The following ELK3 variants were observed in gnomAD, a reference collection of about 807,000 sequenced individuals.
ELK3 encodes the protein ETS domain-containing protein Elk-3.
In ELK3, 10 loss-of-function variants were observed where a neutral mutation model predicts 28.9. The ratio of observed to expected loss-of-function variants is 0.35; its 90% CI spans 0.21 to 0.59. The LOEUF is 0.59. ELK3 is among the 20% of genes least tolerant of loss of function. The probability of loss-of-function intolerance (pLI) is 0.82; values close to 1 mark genes in which losing one functional copy is unlikely to be tolerated. For missense variants in ELK3, 463 were observed against 517.3 expected (o/e 0.90, Z 1.02); for synonymous variants, 272 against 243.5 (o/e 1.12, Z -1.09).
chr12:96,240,406 G>A (rs895936850), intron 2 of ELK3, among the ~76,000 whole-genome samples: 4 of 152,236 alleles, frequency 2.6e-5, no homozygotes, highest in South Asian at 4.2e-4. Flanking sequence ...TGGATGCATC[G>A]GGCGTTCTGA....
At chr12:96,242,505 C>T (rs1238892956) in intron 2 of ELK3, among the ~76,000 whole-genome samples, 1 of 152,242 alleles carries the variant, frequency 6.6e-6, no homozygotes, top group Admixed American at 6.5e-5. Context: ...TCAGCAAACT[C>T]TTGGAAGGAA....
At chr12:96,265,395 G>GA in intron 4 of ELK3, among the ~76,000 whole-genome samples, 1 of 152,248 alleles carries the variant, frequency 6.6e-6, no homozygotes, top group East Asian at 1.9e-4. Context: ...CAAAAAGAAT[G>GA]AAAATGCAGG....
intron 1 of ELK3, among the ~76,000 whole-genome samples, chr12:96,216,959 G>T (rs1277794692): frequency 6.6e-6 from 1 of 152,202 alleles, no homozygotes; most frequent in Non-Finnish European, 1.5e-5. Flanking sequence ...TTGAGTTATA[G>T]AAAATAGCTA....
At chr12:96,222,036 C>A (rs1004136633) in intron 1 of ELK3, among the ~76,000 whole-genome samples, 11 of 152,122 alleles carry the variant, frequency 7.2e-5, no homozygotes, top group African/African-American at 2.4e-4. Context: ...TTCAGTGTCT[C>A]CCTCCTATCC....
chr12:96,231,500 C>G (rs976936650), intron 2 of ELK3, among the ~76,000 whole-genome samples: 1 of 151,854 alleles, frequency 6.6e-6, no homozygotes, highest in South Asian at 2.1e-4. Context: ...TTGAATAAGG[C>G]TTTTTTTTGG....
At chr12:96,214,455 CA>C (rs113949362) in intron 1 of ELK3, among the ~76,000 whole-genome samples, 63 of 139,332 alleles carry the variant, frequency 4.5e-4, no homozygotes, top group East Asian at 3.3e-3. Flanking sequence ...AACAAACAAA[CA>C]AAAAAAAAAA....
chr12:96,199,827 A>G (rs956588406), intron 1 of ELK3, among the ~76,000 whole-genome samples: 1 of 152,220 alleles, frequency 6.6e-6, no homozygotes, highest in Non-Finnish European at 1.5e-5. Context: ...AGATTATAAC[A>G]TGGCTTTACT....
intron 1 of ELK3, among the ~76,000 whole-genome samples, chr12:96,217,845 G>A (rs1951630067): frequency 6.6e-6 from 1 of 150,564 alleles, no homozygotes; most frequent in Admixed American, 6.7e-5. Flanking sequence ...GGCTGAGGCA[G>A]GAGAATCGCT....
At chr12:96,246,752 T>C (rs1446537217) in intron 2 of ELK3, among the ~76,000 whole-genome samples, 188 bp from the exon 3 acceptor site, 3 of 152,218 alleles carry the variant, frequency 2.0e-5, no homozygotes, top group African/African-American at 7.2e-5. Flanking sequence ...AAAGATCTAG[T>C]AATGGCAGAA....
At chr12:96,198,587 A>G (rs1951487595) in intron 1 of ELK3, among the ~76,000 whole-genome samples, 1 of 152,222 alleles carries the variant, frequency 6.6e-6, no homozygotes, top group Admixed American at 6.5e-5. Context: ...AGATCGACTT[A>G]TAACACACTT....
chr12:96,255,047 A>C (rs1301739179), intron 3 of ELK3, among the ~76,000 whole-genome samples: 1 of 152,164 alleles, frequency 6.6e-6, no homozygotes, highest in Non-Finnish European at 1.5e-5. Context: ...GGCTGGATCC[A>C]AGTAGGATGC....
intron 1 of ELK3, 23 bp downstream of exon 1, chr12:96,194,728 G>A (rs1044027959): frequency 6.7e-6 from 1 of 148,198 alleles, no homozygotes; most frequent in African/African-American, 2.5e-5. Flanking sequence ...GCTTCTGCCT[G>A]TTGCTCGGAC....
intron 1 of ELK3, among the ~76,000 whole-genome samples, chr12:96,211,485 GTTTGT>G (rs1390126238): frequency 7.3e-5 from 2 of 27,358 alleles, no homozygotes; most frequent in Non-Finnish European, 1.7e-4. Context: ...GTCATTGTGT[GTTTGT>G]GTGTGTGTGT....
intron 4 of ELK3, 95 bp from the exon 5 acceptor site, chr12:96,266,987 A>G (rs1056955186): frequency 3.2e-6 from 3 of 945,052 alleles, no homozygotes; most frequent in South Asian, 2.2e-5. Context: ...TGATGAGAGA[A>G]ATGGACTGCT....
Position 96,262,868 on chromosome 12 carries a change from G to A in ELK3, c.1125+3015G>A, listed in dbSNP as rs115015829. The stretch of plus-strand genomic sequence containing the variant: ...GGGGTCTCATTATGTTGTCCAGGCT[G>A]GTCTTGAACTCCTGGGTTCAAGTAG... On this transcript the variant is annotated intron_variant, in intron 4 of 4. Coordinates refer to ENST00000228741, the MANE Select transcript of ELK3 (RefSeq NM_005230.4). Among the ~76,000 whole-genome samples, 526 of 151,062 alleles carry A rather than the reference G, an allele frequency of 3.5e-3. 2 individuals carry two copies. Among genetic ancestry groups the A allele is most frequent in the African/African-American group, 0.011 (450 of 41,048 alleles).
chr12:96,200,366 T>C (rs1951500701), intron 1 of ELK3, among the ~76,000 whole-genome samples: 1 of 152,120 alleles, frequency 6.6e-6, no homozygotes, highest in Non-Finnish European at 1.5e-5. Flanking sequence ...AGGCTCTTGG[T>C]ATCTTCCCCT....
At chr12:96,228,142 G>A (rs1376715304) in intron 2 of ELK3, among the ~76,000 whole-genome samples, 1 of 151,908 alleles carries the variant, frequency 6.6e-6, no homozygotes, top group Non-Finnish European at 1.5e-5. Flanking sequence ...AGAAGAGGCC[G>A]AGCATGGTGG....
intron 1 of ELK3, among the ~76,000 whole-genome samples, chr12:96,199,693 T>C (rs1295894923): frequency 6.6e-6 from 1 of 152,232 alleles, no homozygotes; most frequent in Non-Finnish European, 1.5e-5. Flanking sequence ...AACTTTGAAC[T>C]AGTCATTTCA....
intron 2 of ELK3, among the ~76,000 whole-genome samples, chr12:96,242,884 G>A (rs994446974): frequency 6.6e-6 from 1 of 152,134 alleles, no homozygotes; most frequent in Non-Finnish European, 1.5e-5. Context: ...GACCTGCCTC[G>A]GTTCTTTCCA....
Sources: allele counts gnomAD v4.1 joint callset (sites outside exome capture counted in the v4.1 genomes callset), GRCh38; gene constraint gnomAD v4.1.1; transcripts MANE v1.5; gene names NCBI Gene and HGNC (gene_info 2026-07-23, HGNC 2026-07-21).